The following KHDRBS2 variants were observed in gnomAD, a reference collection of about 807,000 sequenced individuals.
The protein encoded by KHDRBS2 is KH RNA binding domain containing, signal transduction associated 2.
In KHDRBS2, 26 loss-of-function variants were observed where a neutral mutation model predicts 44.3. The observed-to-expected ratio is 0.59, with a 90% confidence interval of 0.43 to 0.81. The LOEUF is 0.81. Ranked by LOEUF, KHDRBS2 falls within the 40% of genes least tolerant of loss-of-function variation. The pLI is 0.00. For missense variants in KHDRBS2, 476 were observed against 433.1 expected, an observed-to-expected ratio of 1.10 and a Z score of -0.88; for synonymous variants, 194 against 151.1, an observed-to-expected ratio of 1.28 and a Z score of -2.08.
At chr6:62,041,423 T>C (rs1235645123) in intron 3 of KHDRBS2, among the ~76,000 whole-genome samples, 1 of 152,132 alleles carries the variant, frequency 6.6e-6, no homozygotes, top group African/African-American at 2.4e-5. Context: ...AACTACATCA[T>C]TATAATTCTG....
intron 6 of KHDRBS2, among the ~76,000 whole-genome samples, chr6:61,789,165 A>T (rs1784257487): frequency 6.6e-6 from 1 of 151,422 alleles, no homozygotes; most frequent in African/African-American, 2.4e-5. Flanking sequence ...GTACTACCTT[A>T]CTTTGAAAAG....
At chr6:61,823,909 A>G (rs1354210207) in intron 6 of KHDRBS2, among the ~76,000 whole-genome samples, 2 of 152,160 alleles carry the variant, frequency 1.3e-5, no homozygotes, top group African/African-American at 4.8e-5. Context: ...AACATGCTCC[A>G]AAATGTGAGA....
the KHDRBS2 span, among the ~76,000 whole-genome samples, chr6:61,564,965 T>C: frequency 6.6e-6 from 1 of 151,674 alleles, no homozygotes; most frequent in Non-Finnish European, 1.5e-5. Context: ...TGAGACAGAA[T>C]AAAGAAATAA....
chr6:61,934,598 T>C (rs1810693202), intron 4 of KHDRBS2, among the ~76,000 whole-genome samples: 1 of 152,190 alleles, frequency 6.6e-6, no homozygotes, highest in Non-Finnish European at 1.5e-5. Flanking sequence ...TTATTTAGTT[T>C]TGATATTAAT....
chr6:61,614,807 T>G, the KHDRBS2 span, among the ~76,000 whole-genome samples: 1 of 152,170 alleles, frequency 6.6e-6, no homozygotes, highest in Non-Finnish European at 1.5e-5. Flanking sequence ...TGACCTTGGT[T>G]TGGCTCTTGG....
chr6:62,203,732 G>A (rs1476869510), intron 1 of KHDRBS2, among the ~76,000 whole-genome samples: 1 of 152,066 alleles, frequency 6.6e-6, no homozygotes, highest in Non-Finnish European at 1.5e-5. Context: ...GAGGGAATTG[G>A]CAAGATCAGA....
chr6:62,016,284 G>C (rs1467461320), intron 3 of KHDRBS2, among the ~76,000 whole-genome samples: 1 of 151,936 alleles, frequency 6.6e-6, no homozygotes, highest in Non-Finnish European at 1.5e-5. Context: ...GAAATAATTT[G>C]TGAGACTGAA....
chr6:61,623,622 C>T, the KHDRBS2 span, among the ~76,000 whole-genome samples: 3 of 152,158 alleles, frequency 2.0e-5, no homozygotes, highest in African/African-American at 2.4e-5. Context: ...GGAAATAATA[C>T]ATCATTGATT....
intron 2 of KHDRBS2, among the ~76,000 whole-genome samples, chr6:62,109,981 A>C (rs1229411052): frequency 1.3e-5 from 2 of 151,988 alleles, no homozygotes. Context: ...AATATTTCTT[A>C]GATATGAAAT....
At chr6:62,232,864 C>T (rs1483437096) in intron 1 of KHDRBS2, among the ~76,000 whole-genome samples, 4 of 152,082 alleles carry the variant, frequency 2.6e-5, no homozygotes, top group East Asian at 3.9e-4. Flanking sequence ...TAAGCCACCA[C>T]GGAACTAGAA....
chr6:61,650,724 TG>T, the KHDRBS2 span, among the ~76,000 whole-genome samples: 1 of 152,020 alleles, frequency 6.6e-6, no homozygotes, highest in Non-Finnish European at 1.5e-5. Context: ...TTAGCAAGGC[TG>T]GGGGTACTAA....
intron 1 of KHDRBS2, among the ~76,000 whole-genome samples, chr6:62,211,193 T>A (rs1054862945): frequency 3.9e-5 from 6 of 152,128 alleles, no homozygotes; most frequent in African/African-American, 1.4e-4. Context: ...ATTTATAACA[T>A]CACCTGGGAT....
intron 2 of KHDRBS2, among the ~76,000 whole-genome samples, chr6:62,123,618 T>A (rs1474929495): frequency 6.6e-6 from 1 of 152,350 alleles, no homozygotes. Context: ...CATAATTTTT[T>A]AAATAATTTA....
chr6:61,684,807 A>G (rs549651866), intron 8 of KHDRBS2, among the ~76,000 whole-genome samples: 4 of 151,848 alleles, frequency 2.6e-5, no homozygotes, highest in African/African-American at 9.6e-5. Flanking sequence ...AAATCAGGAT[A>G]TGAGAAACAG....
At chr6:61,900,888 A>G (rs1406597477) in intron 5 of KHDRBS2, among the ~76,000 whole-genome samples, 2 of 152,232 alleles carry the variant, frequency 1.3e-5, no homozygotes, top group Non-Finnish European at 2.9e-5. Flanking sequence ...AGGATAGAAC[A>G]GTAAAGTAGA....
At chr6:62,178,755 A>G (rs187594021) in intron 1 of KHDRBS2, among the ~76,000 whole-genome samples, 19 of 151,682 alleles carry the variant, frequency 1.3e-4, no homozygotes, top group African/African-American at 3.9e-4. Flanking sequence ...TAACATAATC[A>G]GTAAATATTT....
At chr6:61,704,761 A>AG (rs11375322) in intron 7 of KHDRBS2, among the ~76,000 whole-genome samples, 93,852 of 151,634 alleles carry the variant, frequency 0.62, 30,102 homozygotes, top group Non-Finnish European at 0.7. Context: ...AACACATAGT[A>AG]GTGCTCTACA....
intron 4 of KHDRBS2, among the ~76,000 whole-genome samples, chr6:61,954,856 G>GTGTGTATATATATGTA (rs1562513950): frequency 2.5e-5 from 1 of 40,800 alleles, no homozygotes; most frequent in African/African-American, 9.8e-5. Flanking sequence ...ATATGCATGT[G>GTGTGTATATATATGTA]TATATACACA....
intron 6 of KHDRBS2, among the ~76,000 whole-genome samples, chr6:61,778,783 G>A (rs1782486292): frequency 6.6e-6 from 1 of 152,162 alleles, no homozygotes; most frequent in Non-Finnish European, 1.5e-5. Flanking sequence ...TGCTCCACCA[G>A]TTTAAATGAT....
Sources: allele counts gnomAD v4.1 joint callset (sites outside exome capture counted in the v4.1 genomes callset), GRCh38; gene constraint gnomAD v4.1.1; transcripts MANE v1.5; gene names NCBI Gene and HGNC (gene_info 2026-07-23, HGNC 2026-07-21).